SND1: variants seen among roughly 807,000 people sequenced by gnomAD.
SND1 encodes the protein staphylococcal nuclease domain-containing protein 1.
In SND1, 38 loss-of-function variants were observed where a neutral mutation model predicts 121.7. The ratio of observed to expected loss-of-function variants is 0.31; its 90% CI spans 0.24 to 0.41. The LOEUF (loss-of-function observed/expected upper bound fraction) is 0.41, where lower values mean the gene tolerates loss of function less well. Ranked by LOEUF, SND1 falls within the 10% of genes least tolerant of loss-of-function variation. The probability of loss-of-function intolerance (pLI) is 1.00; values close to 1 mark genes in which losing one functional copy is unlikely to be tolerated. For missense variants in SND1, 868 were observed against 1,184.6 expected, an observed-to-expected ratio of 0.73 and a Z score of 3.92; for synonymous variants, 401 against 447.4, an observed-to-expected ratio of 0.90 and a Z score of 1.31.
intron 10 of SND1, among the ~76,000 whole-genome samples, chr7:127,763,245 A>G (rs892461889): frequency 1.3e-5 from 2 of 152,206 alleles, no homozygotes; most frequent in African/African-American, 4.8e-5. Context: ...AGTCCTAGCT[A>G]CTCGAGTTCT....
At chr7:127,701,693 A>G (rs806126) in intron 5 of SND1, among the ~76,000 whole-genome samples, 143,642 of 152,172 alleles carry the variant, frequency 0.94, 68,252 homozygotes, top group Non-Finnish European at 1. Flanking sequence ...GCTTCATTGG[A>G]GATTGGTTCC....
At position 127,906,334 on chromosome 7, in the gene SND1, C is replaced by T. The variant is rs142531155; in HGVS notation, c.1527+1515C>T. ...TTTAACAGGTGTAACTCATCCAGTG[C>T]GATGTTACTTGGCCTGTTTTCTGTG... On this transcript the variant is annotated intron_variant, in intron 14 of 23. Transcript: ENST00000354725. Among the ~76,000 whole-genome samples the T allele has an allele frequency of 5.9e-5, 9 of 152,188 alleles. No individual in the cohort carries two copies. The East Asian group carries it at 1.4e-3, about 23-fold the overall frequency.
At chr7:128,091,684 T>A (rs748717187) in intron 22 of SND1, among the ~76,000 whole-genome samples, 153 bp from the exon 23 acceptor site, 1 of 152,150 alleles carries the variant, frequency 6.6e-6, no homozygotes, top group Non-Finnish European at 1.5e-5. Context: ...AATGTGATTG[T>A]GTTTTCCGTT....
chr7:128,078,260 A>C (rs545665670), intron 17 of SND1, among the ~76,000 whole-genome samples: 3 of 152,232 alleles, frequency 2.0e-5, no homozygotes, highest in South Asian at 4.1e-4. Context: ...GCAAGTCCCA[A>C]GGAACAGCTG....
chr7:128,073,288 C>G (rs534429257), intron 16 of SND1, among the ~76,000 whole-genome samples: 3 of 152,320 alleles, frequency 2.0e-5, no homozygotes, highest in African/African-American at 7.2e-5. Context: ...GTTAATAACT[C>G]TAATAGACTC....
intron 16 of SND1, among the ~76,000 whole-genome samples, chr7:128,059,408 G>A (rs1402803353): frequency 6.6e-6 from 1 of 152,204 alleles, no homozygotes; most frequent in Non-Finnish European, 1.5e-5. Flanking sequence ...ACCTACTGCA[G>A]TGCCTAATAC....
At chr7:128,021,336 G>C (rs931493185) in intron 16 of SND1, among the ~76,000 whole-genome samples, 5 of 152,244 alleles carry the variant, frequency 3.3e-5, no homozygotes, top group Non-Finnish European at 5.9e-5. Flanking sequence ...GATGCACTCA[G>C]CATTCCTCCA....
At chr7:127,963,028 A>G (rs975093700) in intron 15 of SND1, among the ~76,000 whole-genome samples, 1 of 152,166 alleles carries the variant, frequency 6.6e-6, no homozygotes, top group Non-Finnish European at 1.5e-5. Flanking sequence ...CTTTATATTT[A>G]TTGTGATGAT....
chr7:128,042,128 G>A (rs1379735625), intron 16 of SND1, among the ~76,000 whole-genome samples: 1 of 152,080 alleles, frequency 6.6e-6, no homozygotes, highest in East Asian at 1.9e-4. Flanking sequence ...AGCCCAGTGA[G>A]GCTACTCGAT....
chr7:128,091,963 T>C (rs1198231664), intron 23 of SND1, 30 bp from the exon 24 acceptor site: 1 of 1,614,128 alleles, frequency 6.2e-7, no homozygotes, highest in South Asian at 1.1e-5. Context: ...CCCGTATCCC[T>C]GAAGAGCTAT....
intron 12 of SND1, among the ~76,000 whole-genome samples, chr7:127,884,983 G>A (rs1422286601): frequency 1.3e-5 from 2 of 152,052 alleles, no homozygotes; most frequent in Admixed American, 1.3e-4. Flanking sequence ...CTCCCAAGTG[G>A]ACACTCAGTC....
At chr7:128,045,315 C>T (rs1358641740) in intron 16 of SND1, among the ~76,000 whole-genome samples, 3 of 152,224 alleles carry the variant, frequency 2.0e-5, no homozygotes, top group African/African-American at 7.2e-5. Context: ...CTAAGCCATG[C>T]TCCAGCCCTC....
At chr7:127,915,756 A>G (rs964149934) in intron 14 of SND1, among the ~76,000 whole-genome samples, 9 of 152,266 alleles carry the variant, frequency 5.9e-5, no homozygotes, top group African/African-American at 1.9e-4. Context: ...CCAAAGAAGG[A>G]GTTAGCAGAA....
chr7:127,929,511 G>C (rs1467225769), intron 15 of SND1, among the ~76,000 whole-genome samples, 182 bp downstream of exon 15: 1 of 152,148 alleles, frequency 6.6e-6, no homozygotes, highest in Non-Finnish European at 1.5e-5. Context: ...ACCCAGCACT[G>C]CACCCCCTTT....
At chr7:127,704,542 T>G (rs1796156799) in intron 7 of SND1, among the ~76,000 whole-genome samples, 1 of 152,238 alleles carries the variant, frequency 6.6e-6, no homozygotes, top group African/African-American at 2.4e-5. Flanking sequence ...AGAAGAGCTA[T>G]TGAAATGTCA....
At chr7:128,045,556 AGAC>A (rs1792930811) in intron 16 of SND1, among the ~76,000 whole-genome samples, 1 of 152,216 alleles carries the variant, frequency 6.6e-6, no homozygotes, top group Non-Finnish European at 1.5e-5. Flanking sequence ...AAGTGGAAAA[AGAC>A]ATATGTAACT....
intron 16 of SND1, among the ~76,000 whole-genome samples, chr7:128,055,828 C>T (rs1211942602): frequency 6.6e-6 from 1 of 152,172 alleles, no homozygotes; most frequent in African/African-American, 2.4e-5. Context: ...ATGCCTTCAT[C>T]CCCCACTCGC....
At chr7:127,662,946 A>G (rs903163866) in intron 1 of SND1, among the ~76,000 whole-genome samples, 8 of 146,494 alleles carry the variant, frequency 5.5e-5, no homozygotes, top group Non-Finnish European at 1.0e-4. Flanking sequence ...GCTAGAGTAC[A>G]GTGGCACAAT....
chr7:127,769,543 G>C (rs1797477974), intron 10 of SND1, among the ~76,000 whole-genome samples: 1 of 151,986 alleles, frequency 6.6e-6, no homozygotes, highest in South Asian at 2.1e-4. Flanking sequence ...TCCCTCCCTG[G>C]TTTCTCTCTG....
Sources: allele counts gnomAD v4.1 joint callset (sites outside exome capture counted in the v4.1 genomes callset), GRCh38; gene constraint gnomAD v4.1.1; transcripts MANE v1.5; gene names NCBI Gene and HGNC (gene_info 2026-07-23, HGNC 2026-07-21).